Variants in FOXN3 observed in about 807,000 individuals in gnomAD.
FOXN3 encodes the protein forkhead box N3, also known as forkhead box protein N3.
Under a neutral mutation model 38.4 loss-of-function variants are expected in FOXN3, and 7 were observed. The ratio of observed to expected loss-of-function variants is 0.18; its 90% CI spans 0.10 to 0.34. The LOEUF is 0.34. Ranked by LOEUF, FOXN3 falls within the 10% of genes least tolerant of loss-of-function variation. The pLI, the probability that FOXN3 is intolerant of heterozygous loss-of-function variation, is 1.00. For synonymous variants in FOXN3, 230 were observed against 242.2 expected, an observed-to-expected ratio of 0.95 and a Z score of 0.47; for missense variants, 456 against 613.4, an observed-to-expected ratio of 0.74 and a Z score of 2.71.
At chr14:89,576,527 C>CT (rs1895622720) in intron 1 of FOXN3, 3 of 111,336 alleles carry the variant, frequency 2.7e-5, no homozygotes, top group Non-Finnish European at 1.9e-5. Context: ...GTCAGAAATG[C>CT]TGTTACCTAC....
At chr14:89,566,689 G>A (rs557265459) in intron 1 of FOXN3, among the ~76,000 whole-genome samples, 3 of 152,274 alleles carry the variant, frequency 2.0e-5, no homozygotes, top group East Asian at 3.9e-4. Context: ...TCACATTTGT[G>A]TGTCATAGCA....
At chr14:89,333,966 GTATATATATATATA>G (rs71130055) in intron 3 of FOXN3, among the ~76,000 whole-genome samples, 1,790 of 131,470 alleles carry the variant, frequency 0.014, 27 homozygotes, top group South Asian at 0.053. Context: ...AATGTGGTGT[GTATATATATATATA>G]TATATATATA....
chr14:89,568,872 T>C (rs1482081052), intron 1 of FOXN3, among the ~76,000 whole-genome samples: 1 of 152,202 alleles, frequency 6.6e-6, no homozygotes, highest in Non-Finnish European at 1.5e-5. Context: ...GTTTGGCCCT[T>C]TCTTAGATAA....
At chr14:89,482,054 C>T (rs1290221768) in intron 1 of FOXN3, among the ~76,000 whole-genome samples, 1 of 152,196 alleles carries the variant, frequency 6.6e-6, no homozygotes, top group Non-Finnish European at 1.5e-5. Context: ...ACATATTTTA[C>T]AATTTGTTAC....
intron 1 of FOXN3, among the ~76,000 whole-genome samples, chr14:89,478,769 T>C (rs1893263084): frequency 6.6e-6 from 1 of 151,676 alleles, no homozygotes; most frequent in East Asian, 1.9e-4. Context: ...CTGTCTCTAC[T>C]GAAAATACAA....
intron 1 of FOXN3, among the ~76,000 whole-genome samples, chr14:89,563,483 T>C (rs2139882726): frequency 6.6e-6 from 1 of 152,324 alleles, no homozygotes; most frequent in Middle Eastern, 3.4e-3. Context: ...AAGGCAGGCC[T>C]ATGAGAGCCA....
rs1056039883 is a variant in FOXN3 at position 89,159,366 on chromosome 14, C to T, written c.*3048G>A. 1.3e-5 allele frequency: 2 copies of T among 152,572 alleles called. No individual in the cohort carries two copies. The highest frequency in any genetic ancestry group is 4.8e-5 in the African/African-American group (2 of 41,412). The allele number at this position is 152,572 out of a possible 1,614,324, so 9.5% of individuals were successfully genotyped here. A position where few individuals can be genotyped will look rare whatever the true frequency, so the allele number is the denominator to read the frequency against. ...AGAAGTACCCTCACTAAAGGTTCCC[C>T]GACAAGTCTTCCGGCAGATCCAACG... On this transcript the variant is annotated 3_prime_UTR_variant, in exon 6 of 6. Transcript: ENST00000557258.
Position 89,383,991 on chromosome 14 carries a change from A to C in FOXN3, c.543+27943T>G, listed in dbSNP as rs189578952. On this transcript the variant is annotated intron_variant, in intron 2 of 5. Transcript: ENST00000557258. ...GCTATTTTAAAATAATTAGGTCACT[A>C]AATAAGACTCCAGGTGGACATGAAT... 5.8e-3 allele frequency among the ~76,000 whole-genome samples: 882 copies of C among 152,090 alleles called. 4 individuals are homozygous for C. Among genetic ancestry groups the C allele is most frequent in the Non-Finnish European group, 0.01 (683 of 67,996 alleles).
intron 1 of FOXN3, among the ~76,000 whole-genome samples, chr14:89,522,428 T>G (rs549378712): frequency 5.5e-4 from 84 of 152,276 alleles, no homozygotes; most frequent in African/African-American, 2.0e-3. Context: ...CACAAAAGAA[T>G]GAAAAGCACC....
chr14:89,180,494 A>G (rs1887637618), intron 5 of FOXN3, among the ~76,000 whole-genome samples: 1 of 152,202 alleles, frequency 6.6e-6, no homozygotes, highest in African/African-American at 2.4e-5. Flanking sequence ...TAAAGAGACC[A>G]GGATCATCTG....
At chr14:89,285,611 AAC>A (rs1886605400) in intron 3 of FOXN3, among the ~76,000 whole-genome samples, 2 of 152,326 alleles carry the variant, frequency 1.3e-5, no homozygotes, top group South Asian at 4.1e-4. Flanking sequence ...GAATAAATAA[AAC>A]AGATACTGTC....
chr14:89,200,394 G>A (rs905875414), intron 4 of FOXN3, among the ~76,000 whole-genome samples: 2 of 152,154 alleles, frequency 1.3e-5, no homozygotes, highest in African/African-American at 4.8e-5. Context: ...CTACTGGAAG[G>A]TAAGTACAGA....
intron 5 of FOXN3, among the ~76,000 whole-genome samples, chr14:89,178,822 G>A (rs1282897566): frequency 2.6e-5 from 4 of 152,154 alleles, no homozygotes; most frequent in Non-Finnish European, 5.9e-5. Flanking sequence ...TATAAGGTAT[G>A]GCTGGGCCCA....
chr14:89,480,763 A>C (rs1893309589), intron 1 of FOXN3, among the ~76,000 whole-genome samples: 1 of 152,208 alleles, frequency 6.6e-6, no homozygotes, highest in Non-Finnish European at 1.5e-5. Context: ...GAATATTTTA[A>C]AGTTATTCCT....
rs573281739 is a variant in FOXN3 at position 89,427,071 on chromosome 14, A to C, written c.-14-14581T>G. Among the ~76,000 whole-genome samples the C allele has an allele frequency of 1.1e-3, 162 of 151,506 alleles. 1 individual carries two copies. Among genetic ancestry groups the C allele is most frequent in the African/African-American group, 3.7e-3 (155 of 41,362 alleles). On this transcript the variant is annotated intron_variant, in intron 1 of 6. Transcript: ENST00000345097. ...ACATGGTGAAACTCTGTTACTAAAAATACAAAAATTAGCCGGGCGCAGTGG... is the reference window on the plus strand; with the variant it reads ...ACATGGTGAAACTCTGTTACTAAAACTACAAAAATTAGCCGGGCGCAGTGG...
At chr14:89,542,700 T>C (rs939011715) in intron 1 of FOXN3, among the ~76,000 whole-genome samples, 3 of 152,210 alleles carry the variant, frequency 2.0e-5, no homozygotes, top group African/African-American at 7.2e-5. Flanking sequence ...TAAGGAGATT[T>C]ATAATTTGAG....
upstream of FOXN3, among the ~76,000 whole-genome samples, chr14:89,421,813 G>A (rs150066947): frequency 0.068 from 10,403 of 152,138 alleles, 371 homozygotes; most frequent in Middle Eastern, 0.14. Context: ...ACAGGCGCGA[G>A]CCACCGTGCT....
intron 3 of FOXN3, among the ~76,000 whole-genome samples, chr14:89,313,181 A>AAAACAAC (rs1343961798): frequency 6.6e-6 from 1 of 152,236 alleles, no homozygotes; most frequent in African/African-American, 2.4e-5. Context: ...AAAGAAATGG[A>AAAACAAC]AAACAACCAA....
intron 2 of FOXN3, among the ~76,000 whole-genome samples, chr14:89,383,050 T>G (rs1435740759): frequency 6.7e-6 from 1 of 149,162 alleles, no homozygotes; most frequent in African/African-American, 2.5e-5. Context: ...TTTTTTTTTT[T>G]TTTTCCTTTT....
Sources: gnomAD v4.1 joint callset for allele counts (sites outside exome capture counted in the v4.1 genomes callset) on GRCh38, gnomAD v4.1.1 for gene constraint, MANE v1.5 for transcripts, NCBI Gene and HGNC (gene_info 2026-07-23, HGNC 2026-07-21) for gene names.